TTC23: variants seen among roughly 807,000 people sequenced by gnomAD.
TTC23 encodes tetratricopeptide repeat domain 23, also known as tetratricopeptide repeat protein 23.
TTC23 carries 58 observed loss-of-function variants against 55.1 expected under a neutral mutation model. That is an observed-to-expected ratio of 1.05 (90% CI 0.85 to 1.31). The LOEUF is 1.31. Ranked by LOEUF, TTC23 falls within the 50% of genes most tolerant of loss-of-function variation. The pLI is 0.00. For synonymous variants in TTC23, 203 were observed against 199.9 expected, an observed-to-expected ratio of 1.02 and a Z score of -0.13; for missense variants, 516 against 534.4, an observed-to-expected ratio of 0.97 and a Z score of 0.34.
intron 12 of TTC23, chr15:99,148,784 T>C (rs1193043110): frequency 1.3e-5 from 2 of 152,230 alleles, no homozygotes; most frequent in African/African-American, 2.4e-5. Context: ...AGGTGAACTT[T>C]TGCTGTGGAA....
At chr15:99,139,548 T>C (rs782608433) in intron 12 of TTC23, 149 bp from the exon 13 acceptor site, 49 of 1,547,244 alleles carry the variant, frequency 3.2e-5, no homozygotes, top group Non-Finnish European at 4.3e-5. Flanking sequence ...TCCTAGTGAC[T>C]GACCTTTGGT....
chr15:99,242,602 A>G (rs985133230), intron 2 of TTC23, among the ~76,000 whole-genome samples: 2 of 152,214 alleles, frequency 1.3e-5, no homozygotes, highest in South Asian at 4.1e-4. Flanking sequence ...AATATTGGCA[A>G]ACCAAATCTA....
intron 3 of TTC23, among the ~76,000 whole-genome samples, chr15:99,239,322 T>C (rs1278053041): frequency 6.6e-6 from 1 of 151,918 alleles, no homozygotes; most frequent in Non-Finnish European, 1.5e-5. Flanking sequence ...CCATCTCTAC[T>C]AAAAATACAA....
intron 12 of TTC23, among the ~76,000 whole-genome samples, chr15:99,150,427 A>G (rs1280066513): frequency 6.6e-6 from 1 of 152,258 alleles, no homozygotes; most frequent in Non-Finnish European, 1.5e-5. Flanking sequence ...GCAAAGGGCC[A>G]TATGGTAAAT....
chr15:99,137,857 C>T lies in TTC23; in HGVS notation c.*153G>A. 5 of 1,251,892 alleles carry T rather than the reference C, an allele frequency of 4.0e-6. No homozygotes were observed. The South Asian group carries it at 4.5e-5, about 11-fold the overall frequency. The allele number at this position is 1,251,892 out of a possible 1,614,324, so 77.5% of individuals were successfully genotyped here. ...CTGTCAAAATGTGGCCCACGGGAGG[C>T]TTATGGTCTCACTGTTGCATGTTGG... On this transcript the variant is annotated 3_prime_UTR_variant, in exon 14 of 14. Coordinates refer to ENST00000394132, the MANE Select transcript of TTC23 (RefSeq NM_001288615.3).
At chr15:99,146,623 A>T (rs1386217963) in intron 12 of TTC23, among the ~76,000 whole-genome samples, 1 of 152,140 alleles carries the variant, frequency 6.6e-6, no homozygotes, top group Admixed American at 6.5e-5. Context: ...ACAATTGATG[A>T]CCCTCTGAGG....
chr15:99,194,263 T>A (rs1462318285), intron 9 of TTC23, among the ~76,000 whole-genome samples: 1 of 152,038 alleles, frequency 6.6e-6, no homozygotes, highest in Non-Finnish European at 1.5e-5. Context: ...TTCTAAAGTT[T>A]GTATGGAGAG....
At chr15:99,244,929 C>T (rs2080111745) in intron 2 of TTC23, among the ~76,000 whole-genome samples, 1 of 152,086 alleles carries the variant, frequency 6.6e-6, no homozygotes, top group South Asian at 2.1e-4. Context: ...TAAAAATTTT[C>T]AGTTATGAGG....
chr15:99,150,558 T>G (rs1464599355), intron 12 of TTC23, among the ~76,000 whole-genome samples: 1 of 152,210 alleles, frequency 6.6e-6, no homozygotes. Flanking sequence ...GATACAATAA[T>G]AAGCACATTT....
chr15:99,143,469 A>G (rs746493050), intron 12 of TTC23, among the ~76,000 whole-genome samples: 18 of 152,358 alleles, frequency 1.2e-4, no homozygotes, highest in Non-Finnish European at 2.1e-4. Context: ...TTGACAGTAG[A>G]ACATTCTCCA....
At chr15:99,161,947 T>A in intron 10 of TTC23, 80 bp from the exon 11 acceptor site, 2 of 1,439,528 alleles carry the variant, frequency 1.4e-6, no homozygotes, top group Non-Finnish European at 1.8e-6. Flanking sequence ...CTGTTAGCAG[T>A]GTTGAGCTAT....
At chr15:99,225,285 G>T (rs905590280) in intron 5 of TTC23, among the ~76,000 whole-genome samples, 1 of 152,174 alleles carries the variant, frequency 6.6e-6, no homozygotes, top group African/African-American at 2.4e-5. Flanking sequence ...ACCAGTTCCA[G>T]TGACTTTAGC....
At chr15:99,209,931 G>A (rs2076911609) in intron 8 of TTC23, among the ~76,000 whole-genome samples, 1 of 151,958 alleles carries the variant, frequency 6.6e-6, no homozygotes, top group African/African-American at 2.4e-5. Context: ...TGTATTAGTT[G>A]TATTAATTTG....
At chr15:99,186,423 C>T (rs1424599476) in intron 9 of TTC23, among the ~76,000 whole-genome samples, 1 of 151,964 alleles carries the variant, frequency 6.6e-6, no homozygotes, top group African/African-American at 2.4e-5. Context: ...CTTTTTTAAC[C>T]TCAAGAGTAA....
At chr15:99,177,107 C>T (rs1231817394) in intron 9 of TTC23, among the ~76,000 whole-genome samples, 2 of 152,150 alleles carry the variant, frequency 1.3e-5, no homozygotes, top group East Asian at 1.9e-4. Context: ...ATAATCAGAG[C>T]GGAGATAGAA....
chr15:99,142,857 G>C (rs1156443242), intron 12 of TTC23, among the ~76,000 whole-genome samples: 1 of 152,228 alleles, frequency 6.6e-6, no homozygotes, highest in African/African-American at 2.4e-5. Context: ...AGTGGAGTTA[G>C]GAGAGAAGAT....
chr15:99,169,865 C>A lies in TTC23; in HGVS notation c.865+5185G>T, dbSNP rs115393725. ...CTCCCTAAACTCTAACCAGACAGAGCCCATTCCATCTGCTGTCACTGAACG... is the reference window on the plus strand; with the variant it reads ...CTCCCTAAACTCTAACCAGACAGAGACCATTCCATCTGCTGTCACTGAACG... On this transcript the variant is annotated intron_variant, in intron 10 of 13. Transcript: ENST00000394132. 4.2e-3 allele frequency among the ~76,000 whole-genome samples: 642 copies of A among 152,308 alleles called. 7 individuals carry two copies. Among genetic ancestry groups the A allele is most frequent in the African/African-American group, 0.015 (618 of 41,578 alleles).
intron 9 of TTC23, among the ~76,000 whole-genome samples, chr15:99,186,672 G>C (rs1391029117): frequency 1.3e-5 from 2 of 151,890 alleles, no homozygotes; most frequent in Non-Finnish European, 2.9e-5. Context: ...TGAATAATTA[G>C]AAAATGAAAT....
upstream of TTC23, among the ~76,000 whole-genome samples, chr15:99,250,754 A>C (rs1293845151): frequency 6.6e-6 from 1 of 152,142 alleles, no homozygotes; most frequent in East Asian, 1.9e-4. Context: ...ATTGTTCCTG[A>C]CCTTTTTAGC....
Sources: allele counts gnomAD v4.1 joint callset (sites outside exome capture counted in the v4.1 genomes callset), GRCh38; gene constraint gnomAD v4.1.1; transcripts MANE v1.5; gene names NCBI Gene and HGNC (gene_info 2026-07-23, HGNC 2026-07-21).